The following ZNF697 variants were observed in gnomAD, a reference collection of about 807,000 sequenced individuals.
ZNF697 encodes zinc finger protein 697.
A neutral mutation model predicts 32.4 loss-of-function variants in ZNF697; 23 were observed. The ratio of observed to expected loss-of-function variants is 0.71; its 90% CI spans 0.51 to 1.01. ZNF697 has a LOEUF of 1.01. Among genes scored for constraint, ZNF697 ranks in the 50% least tolerant of loss-of-function variants. The pLI is 0.00. For synonymous variants in ZNF697, 418 were observed against 337.2 expected (o/e 1.24, Z -2.62); for missense variants, 930 against 794.0 (o/e 1.17, Z -2.06).
Position 119,642,437 on chromosome 1 carries a change from GA to G in ZNF697, c.-38+5253del, listed in dbSNP as rs201872434. On this transcript the variant is annotated intron_variant, in intron 1 of 2. Coordinates refer to ENST00000421812, the MANE Select transcript of ZNF697 (RefSeq NM_001080470.2). ...GTATCACTCTGGAGCAGGATGCTGAGAGGGGGGGAGGCTGTACATGTGTGAG... is the reference window on the plus strand; with the variant it reads ...GTATCACTCTGGAGCAGGATGCTGAGGGGGGGGAGGCTGTACATGTGTGAG... Among the ~76,000 whole-genome samples the G allele has an allele frequency of 2.9e-3, 445 of 152,286 alleles. 5 individuals carry two copies. The highest frequency in any genetic ancestry group is 0.029 in the East Asian group (150 of 5,182).
intron 1 of ZNF697, among the ~76,000 whole-genome samples, chr1:119,637,303 T>A (rs1362527133): frequency 6.6e-6 from 1 of 152,232 alleles, no homozygotes. Flanking sequence ...ATGTGACCCA[T>A]TACTACAAAT....
At chr1:119,638,708 AT>A (rs960443414) in intron 1 of ZNF697, among the ~76,000 whole-genome samples, 1 of 152,064 alleles carries the variant, frequency 6.6e-6, no homozygotes, top group Non-Finnish European at 1.5e-5. Flanking sequence ...GACCTCACAA[AT>A]TTGAACCTCT....
intron 1 of ZNF697, among the ~76,000 whole-genome samples, chr1:119,640,484 G>C (rs1649038783): frequency 6.6e-6 from 1 of 152,220 alleles, no homozygotes; most frequent in Non-Finnish European, 1.5e-5. Context: ...AAGTTAGGCA[G>C]ACCATTCTCA....
rs943460533 is a variant in ZNF697, at chr1:119,639,923, T to C, written c.-38+7768A>G. On this transcript the variant is annotated intron_variant, in intron 1 of 2. Transcript: ENST00000421812. Reference sequence around the variant, plus strand: ...ACCTGTGTGAATCCAGTCTAGCTGTTAGCCTTAAGCAAATTGTTCAACCTC... The same window carrying C: ...ACCTGTGTGAATCCAGTCTAGCTGTCAGCCTTAAGCAAATTGTTCAACCTC... Among the ~76,000 whole-genome samples, 8 of 152,182 alleles carry C rather than the reference T, an allele frequency of 5.3e-5. No individual in the cohort carries two copies. In the South Asian group the frequency reaches 1.0e-3, roughly 20 times the overall value.
chr1:119,635,579 A>G (rs1235556895), intron 1 of ZNF697, among the ~76,000 whole-genome samples: 4 of 152,318 alleles, frequency 2.6e-5, no homozygotes, highest in East Asian at 1.9e-4. Flanking sequence ...AGTTGTGACA[A>G]TTCTATTAGG....
Position 119,621,565 on chromosome 1 carries a change from C to A in ZNF697, c.*1140G>T, listed in dbSNP as rs757511188. ...TTGAGATTTCTACTGTGCCTCCACG[C>A]GCAGGCAAAAGACATTCTTACTTAG... On this transcript the variant is annotated 3_prime_UTR_variant, in exon 3 of 3. Coordinates refer to ENST00000421812, the MANE Select transcript of ZNF697 (RefSeq NM_001080470.2). 8 of 152,596 alleles carry A rather than the reference C, an allele frequency of 5.2e-5. No homozygotes were observed. The highest frequency in any genetic ancestry group is 1.0e-4 in the Non-Finnish European group (7 of 68,042). The allele number at this position is 152,596 out of a possible 1,614,324, so 9.5% of individuals were successfully genotyped here.
intron 1 of ZNF697, among the ~76,000 whole-genome samples, chr1:119,627,421 G>A (rs587691098): frequency 6.6e-6 from 1 of 152,340 alleles, no homozygotes; most frequent in African/African-American, 2.4e-5. Context: ...GTCCTCATGA[G>A]TGGAAGAAGG....
rs776429534 is a variant in ZNF697, at chr1:119,623,004, C to T, written c.1339G>A (p.Gly447Arg). The change falls in exon 3 of 3, where the codon GGG (glycine) becomes AGG (arginine). Residue 447 changes from glycine to arginine, a missense_variant. Coordinates refer to ENST00000421812, the MANE Select transcript of ZNF697 (RefSeq NM_001080470.2). ...TGGTTCACCAGGTGCGAGTTACGCC[C>T]GAAGCCCTTCCCGCACTCGCGGCAC... is the stretch of plus-strand genomic sequence containing the variant. ...YVCRECGKGF[G>R]RNSHLVNHLR... The T allele has an allele frequency of 4.4e-6, 7 of 1,588,896 alleles. No individual in the cohort carries two copies. The highest frequency in any genetic ancestry group is 6.0e-6 in the Non-Finnish European group (7 of 1,166,024).
At chr1:119,646,463 T>C (rs1369126539) in intron 1 of ZNF697, among the ~76,000 whole-genome samples, 1 of 152,154 alleles carries the variant, frequency 6.6e-6, no homozygotes, top group African/African-American at 2.4e-5. Context: ...CGGTTTTTTT[T>C]CTCGATTCCA....
chr1:119,623,793 T>G lies in ZNF697; in HGVS notation c.550A>C (p.Ile184Leu). The G allele has an allele frequency of 6.5e-7, 1 of 1,547,596 alleles. No individual in the cohort carries two copies. Among genetic ancestry groups the G allele is most frequent in the Non-Finnish European group, 8.7e-7 (1 of 1,146,398 alleles). Residue 184 changes from isoleucine to leucine, a missense_variant, in exon 3 of 3, where the codon ATC becomes CTC. By Grantham distance (5) the Ile-to-Leu change is conservative. Transcript: ENST00000421812. ...GGGCAGATGGTGGGCGCGTCCATGA[T>G]GCTGGCCACCAGGCTATCCAGCTCC... The part of the protein sequence containing the change: ...LGELDSLVAS[I>L]MDAPTICPDC...
chr1:119,632,004 A>G (rs1377657127), intron 1 of ZNF697, among the ~76,000 whole-genome samples: 1 of 152,174 alleles, frequency 6.6e-6, no homozygotes, highest in African/African-American at 2.4e-5. Context: ...GGCTGAACTC[A>G]TGACCACAAC....
chr1:119,623,488 G>A lies in ZNF697; in HGVS notation c.855C>T (p.Gly285=), dbSNP rs771851710. 2.6e-5 allele frequency: 41 copies of A among 1,569,096 alleles called. No homozygotes were observed. In the African/African-American group the frequency reaches 5.2e-4, roughly 20 times the overall value. ...AGTCGGCGCACAGGTTGGGCCGCTC[G>A]CCCGTGTGCAGGCGCAGGTGGTTGG... ...YLTNHLRLHT[G]ERPNLCADCG... The change falls in exon 3 of 3, where the codon GGC becomes GGT. Residue 285 remains glycine (G), a synonymous_variant. Transcript: ENST00000421812.
intron 1 of ZNF697, among the ~76,000 whole-genome samples, chr1:119,633,069 A>G (rs1289758148): frequency 6.6e-6 from 1 of 152,174 alleles, no homozygotes; most frequent in Non-Finnish European, 1.5e-5. Context: ...CAAATGTTCC[A>G]TGTTTGCATT....
At position 119,623,689 on chromosome 1, in the gene ZNF697, G is replaced by GGCA; in HGVS notation, c.651_653dup (p.Ala220dup). The GGCA allele has an allele frequency of 6.5e-7, 1 of 1,530,440 alleles. No homozygotes were observed. 94.8% of individuals were successfully genotyped at this position (1,530,440 alleles called of 1,614,324 possible). A position where few individuals can be genotyped will look rare whatever the true frequency, so the allele number is the denominator to read the frequency against. ...GGCCGAAGGGCTCCAGGCTGGCGGCGGCAGCGGCCTCAGCCAGGCGGTGAA... is the reference window on the plus strand; with the variant it reads ...GGCCGAAGGGCTCCAGGCTGGCGGCGGCAGCAGCGGCCTCAGCCAGGCGGTGAA... On this transcript the variant is annotated inframe_insertion, in exon 3 of 3. Coordinates refer to ENST00000421812, the MANE Select transcript of ZNF697 (RefSeq NM_001080470.2).
intron 1 of ZNF697, among the ~76,000 whole-genome samples, chr1:119,636,379 T>C (rs1040907991): frequency 3.3e-5 from 5 of 151,846 alleles, no homozygotes; most frequent in Admixed American, 3.3e-4. Flanking sequence ...TAAACCACTA[T>C]TACAAAGGAC....
chr1:119,625,914 C>T lies in ZNF697; in HGVS notation c.187G>A (p.Asp63Asn). ...PEPEMGSNPQ[D>N]SRHREAVPDI... Reference sequence around the variant, plus strand: ...GGCACTGCTTCCCTGTGCCTTGAGTCCTGTGGGTTGGAGCCCATCTCCGGC... The same window carrying T: ...GGCACTGCTTCCCTGTGCCTTGAGTTCTGTGGGTTGGAGCCCATCTCCGGC... Residue 63 changes from aspartate to asparagine, a missense_variant, in exon 2 of 3, where the codon GAC becomes AAC. Transcript: ENST00000421812. 2 of 1,613,954 alleles carry T rather than the reference C, an allele frequency of 1.2e-6. No individual in the cohort carries two copies. Among genetic ancestry groups the T allele is most frequent in the Non-Finnish European group, 1.7e-6 (2 of 1,179,866 alleles).
At chr1:119,644,875 G>C (rs903333908) in intron 1 of ZNF697, among the ~76,000 whole-genome samples, 2 of 152,214 alleles carry the variant, frequency 1.3e-5, no homozygotes, top group African/African-American at 2.4e-5. Context: ...AATCCTCATA[G>C]ATTGCTTGGG....
In ZNF697 at chr1:119,632,163, C is replaced by T. The variant is rs377144944; in HGVS notation, c.-37-6026G>A. On this transcript the variant is annotated intron_variant, in intron 1 of 2. Coordinates refer to ENST00000421812, the MANE Select transcript of ZNF697 (RefSeq NM_001080470.2). ...TTATGGTCAAAAGGAACCCAAAGGG[C>T]AAAGAAAGCCACCTCGCCATATTTG... is the stretch of plus-strand genomic sequence containing the variant. Among the ~76,000 whole-genome samples, 28 of 152,280 alleles carry T rather than the reference C, an allele frequency of 1.8e-4. No individual in the cohort carries two copies. The East Asian group carries it at 4.1e-3, about 22-fold the overall frequency.
At chr1:119,633,921 T>C (rs1648852172) in intron 1 of ZNF697, among the ~76,000 whole-genome samples, 1 of 152,252 alleles carries the variant, frequency 6.6e-6, no homozygotes, top group South Asian at 2.1e-4. Context: ...GTGTGTGTTA[T>C]CTGGATTGGG....
Sources: gnomAD v4.1 joint callset for allele counts (sites outside exome capture counted in the v4.1 genomes callset) on GRCh38, gnomAD v4.1.1 for gene constraint, MANE v1.5 for transcripts, NCBI Gene and HGNC (gene_info 2026-07-23, HGNC 2026-07-21) for gene names.